The following ZBED1 variants were observed in gnomAD, a reference collection of about 807,000 sequenced individuals.
ZBED1 encodes E3 SUMO-protein ligase ZBED1.
Under a neutral mutation model 49.7 loss-of-function variants are expected in ZBED1, and 19 were observed. The observed-to-expected ratio is 0.38, with a 90% CI of 0.27 to 0.56. The LOEUF (loss-of-function observed/expected upper bound fraction) is 0.56, where lower values mean the gene tolerates loss of function less well. Ranked by LOEUF, ZBED1 falls within the 20% of genes least tolerant of loss-of-function variation. The pLI is 0.70. For missense variants in ZBED1, 806 were observed against 972.6 expected (o/e 0.83, Z 2.28); for synonymous variants, 439 against 440.3 (o/e 1.00, Z 0.04).
intron 1 of ZBED1, chrX:2,500,486 C>CG (rs758853914): frequency 6.4e-5 from 10 of 155,546 alleles, no homozygotes; most frequent in Admixed American, 1.3e-4. Flanking sequence ...TCAGGGTGCG[C>CG]GGGGGGGCGG....
At position 2,488,816 on chromosome X, in the gene ZBED1, C is replaced by T. The variant is rs779419988; in HGVS notation, c.1904G>A (p.Arg635Gln). Residue 635 changes from arginine (R) to glutamine (Q), a missense_variant, in exon 2 of 2, where the codon CGG (arginine) becomes CAG (glutamine). Arg to Gln is a conservative substitution (Grantham distance 43, BLOSUM62 1). Coordinates refer to ENST00000652001, the MANE Select transcript of ZBED1 (RefSeq NM_001171136.2). Reference sequence around the variant, plus strand: ...CTCGTCCACGTGCGCGGGAGCCAGCCGGTTCCTCTTGGCGCTGACCACGTT... The same window carrying T: ...CTCGTCCACGTGCGCGGGAGCCAGCTGGTTCCTCTTGGCGCTGACCACGTT... ...AANVVSAKRN[R>Q]LAPAHVDEQV... 1.1e-5 allele frequency: 17 copies of T among 1,613,790 alleles called. No individual in the cohort carries two copies. The highest frequency in any genetic ancestry group is 4.5e-5 in the East Asian group (2 of 44,888).
In ZBED1 at chrX:2,489,797, A is replaced by C. The variant is rs1431043184; in HGVS notation, c.923T>G (p.Leu308Arg). The change falls in exon 2 of 2, where the codon CTG (leucine) becomes CGG (arginine). Residue 308 changes from leucine to arginine, a missense_variant. Transcript: ENST00000652001. ...GIQQAFQLPK[L>R]GALLSRCRKL... ...GCGGCAGCGCGACAGCAGCGCCCCC[A>C]GCTTCGGGAGCTGGAAGGCCTGCTG... is the stretch of plus-strand genomic sequence containing the variant. 6.2e-7 allele frequency: 1 copy of C among 1,613,390 alleles called. No individual in the cohort carries two copies. Among genetic ancestry groups the C allele is most frequent in the Non-Finnish European group, 8.5e-7 (1 of 1,179,878 alleles).
chrX:2,494,801 A>G (rs947829724), intron 1 of ZBED1, among the ~76,000 whole-genome samples: 3 of 151,974 alleles, frequency 2.0e-5, no homozygotes, highest in Non-Finnish European at 2.9e-5. Context: ...CCCAGTACCT[A>G]GAAGAAAAGT....
intron 1 of ZBED1, among the ~76,000 whole-genome samples, chrX:2,492,202 T>C (rs1194698986): frequency 5.9e-5 from 9 of 152,184 alleles, no homozygotes; most frequent in African/African-American, 1.7e-4. Flanking sequence ...TCTTTGCAGA[T>C]GTATTAATAA....
intron 1 of ZBED1, among the ~76,000 whole-genome samples, chrX:2,498,562 C>T (rs1240257674): frequency 6.7e-6 from 1 of 149,804 alleles, no homozygotes; most frequent in Non-Finnish European, 1.5e-5. Flanking sequence ...TTGGCAGACA[C>T]GTGACTTCAC....
Position 2,490,735 on chromosome X carries a change from G to C in ZBED1, c.-16C>G, listed in dbSNP as rs773910165. The C allele has an allele frequency of 1.9e-6, 3 of 1,605,896 alleles. No homozygotes were observed. The highest frequency in any genetic ancestry group is 2.6e-6 in the Non-Finnish European group (3 of 1,175,254). ...TATTCTCCATTGCTTCTCCACCGGA[G>C]CCTGCCTGCTGGACGGCTGCTCATG... On this transcript the variant is annotated 5_prime_UTR_variant, in exon 2 of 2. Transcript: ENST00000652001.
chrX:2,489,765 C>T lies in ZBED1; in HGVS notation c.955G>A (p.Val319Met). 6.2e-7 allele frequency: 1 copy of T among 1,613,386 alleles called. No homozygotes were observed. The highest frequency in any genetic ancestry group is 8.5e-7 in the Non-Finnish European group (1 of 1,179,870). ...GALLSRCRKL[V>M]EYFQQSAVAM... The stretch of plus-strand genomic sequence containing the variant: ...ACGGCAGACTGCTGGAAGTACTCCA[C>T]CAGTTTGCGGCAGCGCGACAGCAGC... The change falls in exon 2 of 2, where the codon GTG (valine) becomes ATG (methionine). Residue 319 changes from valine (V) to methionine (M), a missense_variant. By Grantham distance (21) the Val-to-Met change is conservative. Coordinates refer to ENST00000652001, the MANE Select transcript of ZBED1 (RefSeq NM_001171136.2).
rs1414953116 is a variant in ZBED1, at chrX:2,490,110, C to T, written c.610G>A (p.Glu204Lys). ...GTGACGTAGGCGCGGTTCTGATTCTCACTCCTCCACATGTCGGTGGAGATG... is the reference window on the plus strand; with the variant it reads ...GTGACGTAGGCGCGGTTCTGATTCTTACTCCTCCACATGTCGGTGGAGATG... ...CGISTDMWRS[E>K]NQNRAYVTLA... Residue 204 changes from glutamate (E) to lysine (K), a missense_variant, in exon 2 of 2, where the codon GAG becomes AAG. Coordinates refer to ENST00000652001, the MANE Select transcript of ZBED1 (RefSeq NM_001171136.2). 2 of 1,613,918 alleles carry T rather than the reference C, an allele frequency of 1.2e-6. No individual in the cohort carries two copies. Among genetic ancestry groups the T allele is most frequent in the Non-Finnish European group, 1.7e-6 (2 of 1,179,876 alleles).
chrX:2,490,824 G>A, intron 1 of ZBED1, 52 bp from the exon 2 acceptor site: 1 of 1,486,796 alleles, frequency 6.7e-7, no homozygotes, highest in East Asian at 2.3e-5. Flanking sequence ...GGCACGCACG[G>A]GAGCCCTGCC....
rs1486461480 is a variant in ZBED1 at position 2,487,047 on chromosome X, C to G, written c.*1588G>C. 3 of 152,176 alleles carry G rather than the reference C, an allele frequency of 2.0e-5. No homozygotes were observed. The highest frequency in any genetic ancestry group is 7.2e-5 in the African/African-American group (3 of 41,434). 9.4% of individuals were successfully genotyped at this position (152,176 alleles called of 1,614,324 possible). A position where few individuals can be genotyped will look rare whatever the true frequency, so the allele number is the denominator to read the frequency against. On this transcript the variant is annotated 3_prime_UTR_variant, in exon 2 of 2. Transcript: ENST00000652001. ...TCACGGAGGCAGAGAACCCGCTGCACGTAGAATCCAAGCAATATGCTAAGC... is the reference window on the plus strand; with the variant it reads ...TCACGGAGGCAGAGAACCCGCTGCAGGTAGAATCCAAGCAATATGCTAAGC...
At position 2,488,477 on chromosome X, in the gene ZBED1, C is replaced by T; in HGVS notation, c.*158G>A. ...GACAGGAGCCACCGCCCCCGACCCT[C>T]TCTCACTTCTCAAATCTCTTTCCTT... is the stretch of plus-strand genomic sequence containing the variant. On this transcript the variant is annotated 3_prime_UTR_variant, in exon 2 of 2. Transcript: ENST00000652001. 9.7e-7 allele frequency: 1 copy of T among 1,030,086 alleles called. No individual in the cohort carries two copies. The highest frequency in any genetic ancestry group is 1.4e-6 in the Non-Finnish European group (1 of 729,690). The allele number at this position is 1,030,086 out of a possible 1,614,324, so 63.8% of individuals were successfully genotyped here.
rs1371260944 is a variant in ZBED1 at position 2,500,800 on chromosome X, T to C, written c.-54+17A>G. 1.1e-6 allele frequency: 1 copy of C among 897,626 alleles called. No homozygotes were observed. The highest frequency in any genetic ancestry group is 1.0e-4 in the Admixed American group (1 of 9,716). The allele number at this position is 897,626 out of a possible 1,614,324, so 55.6% of individuals were successfully genotyped here. A position where few individuals can be genotyped will look rare whatever the true frequency, so the allele number is the denominator to read the frequency against. On this transcript the variant is annotated intron_variant, in intron 1 of 1. Transcript: ENST00000652001. ...CCCGGGTCCCCGGAGCCCTGACCCC[T>C]GCCCCGCCCCGCTGACCTGGCTCCA...
intron 1 of ZBED1, among the ~76,000 whole-genome samples, chrX:2,496,847 T>C (rs1307889734): frequency 6.7e-6 from 1 of 149,264 alleles, no homozygotes; most frequent in Admixed American, 6.7e-5. Context: ...ATTTGTATTT[T>C]ATATTTATAG....
Position 2,490,314 on chromosome X carries a change from C to T in ZBED1, c.406G>A (p.Glu136Lys), listed in dbSNP as rs200331454. Residue 136 changes from glutamate to lysine, a missense_variant, in exon 2 of 2, where the codon GAG becomes AAG. Glu to Lys is a moderately conservative substitution (Grantham distance 56). Transcript: ENST00000652001. ...LTAAVLGLIC[E>K]GLYPASIVDE... is the part of the protein sequence containing the mutation. The stretch of plus-strand genomic sequence containing the variant: ...ACGATGGAGGCTGGGTACAGCCCCT[C>T]GCAGATGAGGCCCAGCACGGCGGCC... The T allele has an allele frequency of 1.6e-5, 26 of 1,613,322 alleles. No individual in the cohort carries two copies. Among genetic ancestry groups the T allele is most frequent in the African/African-American group, 2.7e-5 (2 of 74,922 alleles).
rs1458595999 is a variant in ZBED1, at chrX:2,489,718, C to G, written c.1002G>C (p.Glu334Asp). 6.2e-7 allele frequency: 1 copy of G among 1,613,104 alleles called. No homozygotes were observed. The highest frequency in any genetic ancestry group is 2.2e-5 in the East Asian group (1 of 44,876). ...GGGCCACGTTCTGCTGCTTCTGCTT[C>G]TCATAGAGCATGTACATGGCCACGG... is the stretch of plus-strand genomic sequence containing the variant. ...QSAVAMYMLY[E>D]KQKQQNVAHC... The change falls in exon 2 of 2, where the codon GAG becomes GAC. Residue 334 changes from glutamate (E) to aspartate (D), a missense_variant. Transcript: ENST00000652001.
At position 2,490,781 on chromosome X, in the gene ZBED1, G is replaced by A; in HGVS notation, c.-53-9C>T. On this transcript the variant is annotated splice_polypyrimidine_tract_variant and intron_variant, in intron 1 of 1. Coordinates refer to ENST00000652001, the MANE Select transcript of ZBED1 (RefSeq NM_001171136.2). ...TCATGCGTGGGGACCTGCTGAGAAG[G>A]GCCAAGACAAACACAGCATGAGAAG... The A allele has an allele frequency of 1.3e-6, 2 of 1,563,670 alleles. No individual in the cohort carries two copies. Among genetic ancestry groups the A allele is most frequent in the Non-Finnish European group, 1.7e-6 (2 of 1,155,132 alleles).
In ZBED1 at chrX:2,489,196, G is replaced by T. The variant is rs764746922; in HGVS notation, c.1524C>A (p.Val508=). 1.9e-6 allele frequency: 3 copies of T among 1,613,626 alleles called. No individual in the cohort carries two copies. The highest frequency in any genetic ancestry group is 1.1e-5 in the South Asian group (1 of 91,078). The change falls in exon 2 of 2, where the codon GTC becomes GTA. Residue 508 remains valine (V), a synonymous_variant. Coordinates refer to ENST00000652001, the MANE Select transcript of ZBED1 (RefSeq NM_001171136.2). ...VEEAKGLLDK[V]KDGGYRPAED... is the part of the protein sequence containing the mutation. The stretch of plus-strand genomic sequence containing the variant: ...CAGCCGGCCGGTAGCCGCCGTCTTT[G>T]ACCTTGTCCAGCAGGCCCTTGGCCT...
chrX:2,489,915 T>C lies in ZBED1; in HGVS notation c.805A>G (p.Thr269Ala). 6.2e-7 allele frequency: 1 copy of C among 1,613,850 alleles called. No individual in the cohort carries two copies. The highest frequency in any genetic ancestry group is 8.5e-7 in the Non-Finnish European group (1 of 1,179,874). The change falls in exon 2 of 2, where the codon ACC becomes GCC. Residue 269 changes from threonine to alanine, a missense_variant. Thr to Ala is a moderately conservative substitution (Grantham distance 58, BLOSUM62 0). Around this residue, in one of 2 missense-constraint regions of ZBED1, gnomAD observed 749 missense variants for 861.3 expected, o/e 0.87. Transcript: ENST00000652001. ...GISAKVFGAT[T>A]NYGKDIVKAC... ...TTCACGATGTCCTTGCCATAGTTGG[T>C]GGTGGCCCCGAAGACCTTGGCGCTG...
chrX:2,490,349 T>C lies in ZBED1; in HGVS notation c.371A>G (p.Gln124Arg). The C allele has an allele frequency of 6.2e-7, 1 of 1,613,374 alleles. No homozygotes were observed. Among genetic ancestry groups the C allele is most frequent in the South Asian group, 1.1e-5 (1 of 91,028 alleles). ...GCCCAGCACGGCGGCCGTCAGCTCC[T>C]GCTGCTTCTTGCTGTCGTAGCCGTG... ...AGHGYDSKKQ[Q>R]ELTAAVLGLI... is the part of the protein sequence containing the mutation. The change falls in exon 2 of 2, where the codon CAG becomes CGG. Residue 124 changes from glutamine to arginine, a missense_variant. By Grantham distance (43) the Gln-to-Arg change is conservative. This residue lies in a region of ZBED1 where 749 missense variants were observed against 861.3 expected (regional missense o/e 0.87). Transcript: ENST00000652001.
Sources: gnomAD v4.1 joint callset for allele counts (sites outside exome capture counted in the v4.1 genomes callset) on GRCh38, gnomAD v4.1.1 for gene constraint, gnomAD v4.1.1 regional missense constraint, MANE v1.5 for transcripts, NCBI Gene and HGNC (gene_info 2026-07-23, HGNC 2026-07-21) for gene names.